KIF2A: variants seen among roughly 807,000 people sequenced by gnomAD.
KIF2A encodes the protein kinesin family member 2A.
Under a neutral mutation model 100.2 loss-of-function variants are expected in KIF2A, and 22 were observed. The ratio of observed to expected loss-of-function variants is 0.22; its 90% CI spans 0.16 to 0.31. The LOEUF is 0.31. Ranked by LOEUF, KIF2A falls within the 10% of genes least tolerant of loss-of-function variation. KIF2A has a pLI of 1.00. For synonymous variants in KIF2A, 268 were observed against 285.9 expected (o/e 0.94, Z 0.63); for missense variants, 495 against 898.7 (o/e 0.55, Z 5.74).
chr5:62,347,342 G>A, intron 2 of KIF2A, 118 bp downstream of exon 2: 1 of 611,750 alleles, frequency 1.6e-6, no homozygotes, highest in African/African-American at 1.9e-5. Context: ...ATTATTCCTT[G>A]AAAACTTTCA....
intron 1 of KIF2A, among the ~76,000 whole-genome samples, chr5:62,319,630 C>T (rs1746005109): frequency 6.6e-6 from 1 of 152,192 alleles, no homozygotes; most frequent in Non-Finnish European, 1.5e-5. Flanking sequence ...GCACTCTGCA[C>T]ACTTTATAAA....
At chr5:62,322,490 G>A (rs574848151) in intron 1 of KIF2A, among the ~76,000 whole-genome samples, 9 of 152,138 alleles carry the variant, frequency 5.9e-5, no homozygotes, top group African/African-American at 2.2e-4. Context: ...TACTTATGTA[G>A]GCCTTTCCAT....
chr5:62,329,299 C>A (rs1453415020), intron 1 of KIF2A, among the ~76,000 whole-genome samples: 1 of 152,214 alleles, frequency 6.6e-6, no homozygotes, highest in Non-Finnish European at 1.5e-5. Flanking sequence ...AGCACTGTTA[C>A]CAGTGTCAGC....
Position 62,335,614 on chromosome 5 carries a change from C to T in KIF2A, c.65-11516C>T, listed in dbSNP as rs72767091. The stretch of plus-strand genomic sequence containing the variant: ...CCTGTTGGAAAGTTGGGGATATAAA[C>T]GGGAACCTGGGAGGCAGGGCTTGTC... On this transcript the variant is annotated intron_variant, in intron 1 of 20. Coordinates refer to ENST00000407818, the MANE Select transcript of KIF2A (RefSeq NM_001098511.3). 9.2e-3 allele frequency among the ~76,000 whole-genome samples: 1,406 copies of T among 152,270 alleles called. 14 individuals are homozygous for T. The highest frequency in any genetic ancestry group is 0.041 in the Middle Eastern group (12 of 294).
chr5:62,358,763 C>G (rs1363393023), intron 9 of KIF2A, among the ~76,000 whole-genome samples: 2 of 152,180 alleles, frequency 1.3e-5, no homozygotes, highest in African/African-American at 4.8e-5. Flanking sequence ...CTCGACCTTC[C>G]AGGCTCAGGT....
intron 19 of KIF2A, among the ~76,000 whole-genome samples, chr5:62,378,683 C>T (rs533310552): frequency 2.0e-5 from 3 of 152,154 alleles, no homozygotes; most frequent in African/African-American, 7.2e-5. Context: ...TGTGGGAGGC[C>T]CAGGAGGGTG....
intron 1 of KIF2A, among the ~76,000 whole-genome samples, chr5:62,318,838 A>G (rs777449612): frequency 4.6e-5 from 7 of 152,182 alleles, no homozygotes; most frequent in Admixed American, 2.0e-4. Flanking sequence ...GGATTACTGC[A>G]TATCTCCATT....
At chr5:62,351,802 T>G (rs1197965624) in intron 4 of KIF2A, among the ~76,000 whole-genome samples, 1 of 151,248 alleles carries the variant, frequency 6.6e-6, no homozygotes, top group Non-Finnish European at 1.5e-5. Context: ...TGAAGCTAAG[T>G]TTTTACTCTC....
Position 62,373,798 on chromosome 5 carries a change from C to T in KIF2A, c.1872C>T (p.Ser624=). ...DLETQWGVGS[S]PQRDDLKLLC... ...AGACACAGTGGGGTGTGGGGAGTTC[C>T]CCTCAGAGAGATGATCTAAAACTTC... is the stretch of plus-strand genomic sequence containing the variant. The change falls in exon 18 of 21, where the codon TCC becomes TCT. Residue 624 remains serine, a synonymous_variant. Coordinates refer to ENST00000407818, the MANE Select transcript of KIF2A (RefSeq NM_001098511.3). 1 of 1,612,884 alleles carries T rather than the reference C, an allele frequency of 6.2e-7. No homozygotes were observed. The highest frequency in any genetic ancestry group is 8.5e-7 in the Non-Finnish European group (1 of 1,178,946).
At chr5:62,363,101 T>C in intron 12 of KIF2A, 77 bp from the exon 13 acceptor site, 1 of 1,231,130 alleles carries the variant, frequency 8.1e-7, no homozygotes, top group Non-Finnish European at 1.1e-6. Flanking sequence ...ATGCTGGGAT[T>C]ACAGGCGTGA....
At chr5:62,382,487 CATG>C (rs1473313138) in intron 20 of KIF2A, among the ~76,000 whole-genome samples, 2 of 152,096 alleles carry the variant, frequency 1.3e-5, no homozygotes, top group Admixed American at 6.5e-5. Flanking sequence ...ATAGGTACAA[CATG>C]ATGTTTTGAA....
rs1360018067 is a variant in KIF2A at position 62,390,352 on chromosome 5, A to G, written c.*4783A>G. ...GATAATTATGACAGCTTTTTACTTGAGAAGTGTAGAACTTGCTTCAGGCTA... is the reference window on the plus strand; with the variant it reads ...GATAATTATGACAGCTTTTTACTTGGGAAGTGTAGAACTTGCTTCAGGCTA... On this transcript the variant is annotated 3_prime_UTR_variant, in exon 21 of 21. Transcript: ENST00000407818. Among the ~76,000 whole-genome samples, 2 of 152,250 alleles carry G rather than the reference A, an allele frequency of 1.3e-5. No homozygotes were observed. Among genetic ancestry groups the G allele is most frequent in the Non-Finnish European group, 2.9e-5 (2 of 68,048 alleles).
intron 1 of KIF2A, among the ~76,000 whole-genome samples, chr5:62,314,429 A>C (rs1214578748): frequency 6.6e-6 from 1 of 152,090 alleles, no homozygotes; most frequent in African/African-American, 2.4e-5. Context: ...ATGCCACTGC[A>C]CTCCAGCCTG....
intron 18 of KIF2A, among the ~76,000 whole-genome samples, chr5:62,375,996 A>G (rs1166021738): frequency 6.6e-6 from 1 of 152,216 alleles, no homozygotes; most frequent in African/African-American, 2.4e-5. Context: ...AATTTTTAAG[A>G]GAGACTGTAG....
At chr5:62,374,676 C>T (rs1447557037) in intron 18 of KIF2A, among the ~76,000 whole-genome samples, 1 of 152,098 alleles carries the variant, frequency 6.6e-6, no homozygotes, top group African/African-American at 2.4e-5. Context: ...CGCGGTGTCT[C>T]ACGCCTGTAA....
chr5:62,381,228 A>C lies in KIF2A; in HGVS notation c.2124A>C (p.Lys708Asn). Reference sequence around the variant, plus strand: ...AACTTGAAGCTATTCTTGAGCAAAAAATAGACATTTTAACTGAACTGCGGG... The same window carrying C: ...AACTTGAAGCTATTCTTGAGCAAAACATAGACATTTTAACTGAACTGCGGG... ...ATQLEAILEQ[K>N]IDILTELRDK... Residue 708 changes from lysine to asparagine, a missense_variant, in exon 20 of 21, where the codon AAA (lysine) becomes AAC (asparagine). Transcript: ENST00000407818. The C allele has an allele frequency of 6.2e-7, 1 of 1,612,722 alleles. No individual in the cohort carries two copies. The highest frequency in any genetic ancestry group is 8.5e-7 in the Non-Finnish European group (1 of 1,178,904).
In KIF2A at chr5:62,322,064, C is replaced by T. The variant is rs535893783; in HGVS notation, c.64+15528C>T. ...CTTCCTGAGTAGCTAGGACCACAGG[C>T]ACAAGCCACCTTGCCTGGCTAATTT... On this transcript the variant is annotated intron_variant, in intron 1 of 20. Coordinates refer to ENST00000407818, the MANE Select transcript of KIF2A (RefSeq NM_001098511.3). Among the ~76,000 whole-genome samples the T allele has an allele frequency of 3.9e-5, 6 of 152,148 alleles. No homozygotes were observed. In the South Asian group the frequency reaches 1.2e-3, roughly 32 times the overall value.
At chr5:62,348,272 T>A in intron 3 of KIF2A, 105 bp downstream of exon 3, 1 of 1,196,018 alleles carries the variant, frequency 8.4e-7, no homozygotes, top group Non-Finnish European at 1.2e-6. Flanking sequence ...GTTTAAGAAT[T>A]GATTAATTTG....
intron 1 of KIF2A, among the ~76,000 whole-genome samples, chr5:62,318,799 T>C (rs1348614354): frequency 2.0e-5 from 3 of 152,200 alleles, no homozygotes; most frequent in Non-Finnish European, 4.4e-5. Context: ...CCACATTGGC[T>C]ACAGACATGT....
Sources: allele counts gnomAD v4.1 joint callset (sites outside exome capture counted in the v4.1 genomes callset), GRCh38; gene constraint gnomAD v4.1.1; transcripts MANE v1.5; gene names NCBI Gene and HGNC (gene_info 2026-07-23, HGNC 2026-07-21).